Variants in PRIM1 observed in about 807,000 individuals in gnomAD.
The protein encoded by PRIM1 is DNA primase subunit 1.
In PRIM1, 38 loss-of-function variants were observed where a neutral mutation model predicts 60.2. The observed-to-expected ratio is 0.63, with a 90% CI of 0.49 to 0.83. The LOEUF is 0.83. Among genes scored for constraint, PRIM1 ranks in the 40% least tolerant of loss-of-function variants. The probability of loss-of-function intolerance (pLI) is 0.00; values close to 1 mark genes in which losing one functional copy is unlikely to be tolerated. For missense variants in PRIM1, 388 were observed against 506.2 expected, an observed-to-expected ratio of 0.77 and a Z score of 2.24; for synonymous variants, 158 against 160.2, an observed-to-expected ratio of 0.99 and a Z score of 0.10.
intron 2 of PRIM1, among the ~76,000 whole-genome samples, chr12:56,747,265 T>C (rs774393295): frequency 6.6e-6 from 1 of 152,200 alleles, no homozygotes; most frequent in Non-Finnish European, 1.5e-5. Context: ...TCATAAATGT[T>C]TGTTGGTCAA....
intron 2 of PRIM1, among the ~76,000 whole-genome samples, chr12:56,748,959 A>G (rs1326089664): frequency 6.6e-6 from 1 of 151,844 alleles, no homozygotes; most frequent in African/African-American, 2.4e-5. Context: ...TGTCTCAACA[A>G]AAGAAAGAAA....
rs1240453871 is a variant in PRIM1 at position 56,752,321 on chromosome 12, A to T, written c.-23T>A. 6.6e-7 allele frequency: 1 copy of T among 1,518,004 alleles called. No homozygotes were observed. The highest frequency in any genetic ancestry group is 2.4e-5 in the East Asian group (1 of 40,856). 94.0% of individuals were successfully genotyped at this position (1,518,004 alleles called of 1,614,324 possible). A position where few individuals can be genotyped will look rare whatever the true frequency, so the allele number is the denominator to read the frequency against. On this transcript the variant is annotated 5_prime_UTR_variant, in exon 1 of 13. Transcript: ENST00000338193. ...CATTGAGCGCGGAACTCGCCACGGT[A>T]AGGATTACCACAGGAATTGGCGGGA...
At chr12:56,738,913 A>G (rs1953853078) in intron 10 of PRIM1, among the ~76,000 whole-genome samples, 1 of 152,196 alleles carries the variant, frequency 6.6e-6, no homozygotes, top group Non-Finnish European at 1.5e-5. Flanking sequence ...TAGCATGTGA[A>G]TCCCATAAAA....
intron 11 of PRIM1, among the ~76,000 whole-genome samples, chr12:56,738,220 C>T (rs1483102177): frequency 2.6e-5 from 4 of 152,176 alleles, no homozygotes; most frequent in African/African-American, 9.7e-5. Context: ...TAGATCCTAG[C>T]ATTAAAAGTT....
At chr12:56,740,952 T>A (rs1953868568) in intron 9 of PRIM1, among the ~76,000 whole-genome samples, 1 of 152,116 alleles carries the variant, frequency 6.6e-6, no homozygotes, top group Non-Finnish European at 1.5e-5. Flanking sequence ...TAGCTGGAAC[T>A]ACAGGCATGC....
In PRIM1 at chr12:56,746,767, C is replaced by G; in HGVS notation, c.442+14G>C. On this transcript the variant is annotated intron_variant, in intron 4 of 12. Coordinates refer to ENST00000338193, the MANE Select transcript of PRIM1 (RefSeq NM_000946.3). Reference sequence around the variant, plus strand: ...TCTTACACTTGACCCCATTCAGAAACTGCTGATACTTGCCCTTCAATGCTC... The same window carrying G: ...TCTTACACTTGACCCCATTCAGAAAGTGCTGATACTTGCCCTTCAATGCTC... The G allele has an allele frequency of 6.2e-7, 1 of 1,612,804 alleles. No homozygotes were observed.
chr12:56,751,527 C>T (rs541447932), intron 1 of PRIM1: 4 of 167,634 alleles, frequency 2.4e-5, no homozygotes, highest in Non-Finnish European at 5.1e-5. Flanking sequence ...CTCAGGTAAT[C>T]CGTCCTCCTC....
At chr12:56,732,789 A>G (rs1372487177) in intron 12 of PRIM1, among the ~76,000 whole-genome samples, 2 of 151,214 alleles carry the variant, frequency 1.3e-5, no homozygotes, top group South Asian at 4.2e-4. Context: ...CCTTTATCTT[A>G]TCATATTTCT....
Position 56,731,600 on chromosome 12 carries a change from A to C in PRIM1, c.*115T>G. 1 of 1,018,026 alleles carries C rather than the reference A, an allele frequency of 9.8e-7. No individual in the cohort carries two copies. Among genetic ancestry groups the C allele is most frequent in the Non-Finnish European group, 1.4e-6 (1 of 707,066 alleles). 63.1% of individuals were successfully genotyped at this position (1,018,026 alleles called of 1,614,324 possible). A position where few individuals can be genotyped will look rare whatever the true frequency, so the allele number is the denominator to read the frequency against. ...ATAAATTATTTCTCAAGGAAAATTT[A>C]CTTTGAGGTTTAAGACACATATATA... On this transcript the variant is annotated 3_prime_UTR_variant, in exon 13 of 13. Coordinates refer to ENST00000338193, the MANE Select transcript of PRIM1 (RefSeq NM_000946.3).
chr12:56,741,307 G>T, intron 9 of PRIM1, 128 bp downstream of exon 9: 1 of 1,020,168 alleles, frequency 9.8e-7, no homozygotes, highest in Non-Finnish European at 1.4e-6. Context: ...CTTAGGTATT[G>T]GGTGACAGAG....
intron 11 of PRIM1, among the ~76,000 whole-genome samples, chr12:56,734,874 C>T (rs1320959195): frequency 2.1e-5 from 3 of 144,066 alleles, no homozygotes; most frequent in Non-Finnish European, 4.5e-5. Context: ...TGCAATGGTG[C>T]GATCTCGGCT....
At chr12:56,742,947 A>G (rs1953882582) in intron 7 of PRIM1, 40 bp downstream of exon 7, 7 of 1,415,730 alleles carry the variant, frequency 4.9e-6, no homozygotes, top group Non-Finnish European at 6.6e-6. Context: ...CACAGATCAA[A>G]ACAACTAGCT....
In PRIM1 at chr12:56,731,636, A is replaced by G; in HGVS notation, c.*79T>C. On this transcript the variant is annotated 3_prime_UTR_variant, in exon 13 of 13. Coordinates refer to ENST00000338193, the MANE Select transcript of PRIM1 (RefSeq NM_000946.3). Reference sequence around the variant, plus strand: ...TAAGACACATATATAGTTCTGCCATATTTATTAAATGGCTCTTGAAGTATT... The same window carrying G: ...TAAGACACATATATAGTTCTGCCATGTTTATTAAATGGCTCTTGAAGTATT... 1 of 1,274,708 alleles carries G rather than the reference A, an allele frequency of 7.8e-7. No individual in the cohort carries two copies. Among genetic ancestry groups the G allele is most frequent in the Non-Finnish European group, 1.1e-6 (1 of 915,714 alleles). 79.0% of individuals were successfully genotyped at this position (1,274,708 alleles called of 1,614,324 possible).
At chr12:56,738,245 T>C (rs913648588) in intron 11 of PRIM1, among the ~76,000 whole-genome samples, 189 bp downstream of exon 11, 1 of 152,220 alleles carries the variant, frequency 6.6e-6, no homozygotes, top group South Asian at 2.1e-4. Context: ...AGGAAATATG[T>C]GTTGAATCAG....
At chr12:56,731,871 G>T in intron 12 of PRIM1, 137 bp from the exon 13 acceptor site, 1 of 698,606 alleles carries the variant, frequency 1.4e-6, no homozygotes, top group Non-Finnish European at 2.3e-6. Flanking sequence ...ATTTGCTGAA[G>T]TCCACATCAT....
intron 11 of PRIM1, among the ~76,000 whole-genome samples, chr12:56,736,830 C>G (rs1172218517): frequency 6.6e-6 from 1 of 151,846 alleles, no homozygotes; most frequent in East Asian, 1.9e-4. Flanking sequence ...GAGACAAGGT[C>G]TCTCTCTGAC....
rs1340864526 is a variant in PRIM1 at position 56,746,950 on chromosome 12, T to C, written c.344A>G (p.Tyr115Cys). The C allele has an allele frequency of 6.2e-7, 1 of 1,613,872 alleles. No homozygotes were observed. The highest frequency in any genetic ancestry group is 1.7e-5 in the Admixed American group (1 of 60,010). The stretch of plus-strand genomic sequence containing the variant: ...CCTACAACATCTCCTCACATCGTCA[T>C]AGTCTGTCATGTCAATGTCAAATAC... ...ELVFDIDMTD[Y>C]DDVRRCCSSA... The change falls in exon 3 of 13, where the codon TAT becomes TGT. Residue 115 changes from tyrosine to cysteine, a missense_variant. By Grantham distance (194) the Tyr-to-Cys change is radical. Coordinates refer to ENST00000338193, the MANE Select transcript of PRIM1 (RefSeq NM_000946.3).
chr12:56,752,116 C>T, intron 1 of PRIM1, 80 bp downstream of exon 1: 1 of 1,046,378 alleles, frequency 9.6e-7, no homozygotes, highest in East Asian at 2.7e-5. Context: ...ACAGAAGGCG[C>T]TTCATATTGT....
Position 56,746,802 on chromosome 12 carries a change from T to G in PRIM1, c.421A>C (p.Ile141Leu). ...TTGCCCTTCAATGCTCTGTCAATGA[T>G]GCGTATGGCCATTGTCATGAGGGTC... Reference protein sequence around the residue: ...CWTLMTMAIRIIDRALKEDFG... With the variant: ...CWTLMTMAIRLIDRALKEDFG... The change falls in exon 4 of 13, where the codon ATC (isoleucine) becomes CTC (leucine). Residue 141 changes from isoleucine to leucine, a missense_variant. This residue lies in a region of PRIM1 where 156 missense variants were observed against 175.8 expected (regional missense o/e 0.89). Coordinates refer to ENST00000338193, the MANE Select transcript of PRIM1 (RefSeq NM_000946.3). The G allele has an allele frequency of 1.2e-6, 2 of 1,613,988 alleles. No individual in the cohort carries two copies. The highest frequency in any genetic ancestry group is 1.7e-6 in the Non-Finnish European group (2 of 1,179,880).
Sources: gnomAD v4.1 joint callset for allele counts (sites outside exome capture counted in the v4.1 genomes callset) on GRCh38, gnomAD v4.1.1 for gene constraint, gnomAD v4.1.1 regional missense constraint, MANE v1.5 for transcripts, NCBI Gene and HGNC (gene_info 2026-07-23, HGNC 2026-07-21) for gene names.